The following ATP8B4 variants were observed in gnomAD, a reference collection of about 807,000 sequenced individuals.
ATP8B4 encodes the protein probable phospholipid-transporting ATPase IM.
Under a neutral mutation model 145.6 loss-of-function variants are expected in ATP8B4, and 133 were observed. That is an observed-to-expected ratio of 0.91 (90% confidence interval 0.79 to 1.05). The LOEUF is 1.05. ATP8B4 is among the 50% of genes least tolerant of loss of function. The pLI, the probability that ATP8B4 is intolerant of heterozygous loss-of-function variation, is 0.00. For missense variants in ATP8B4, 1,458 were observed against 1,425.2 expected (o/e 1.02, Z -0.37); for synonymous variants, 507 against 492.9 (o/e 1.03, Z -0.38).
intron 2 of ATP8B4, among the ~76,000 whole-genome samples, chr15:50,095,698 T>A (rs1197409074): frequency 6.6e-6 from 1 of 151,706 alleles, no homozygotes; most frequent in African/African-American, 2.4e-5. Context: ...GAGGCTGTAG[T>A]GAGCTATGAT....
chr15:49,967,096 C>T (rs952627095), intron 13 of ATP8B4, among the ~76,000 whole-genome samples: 1 of 152,154 alleles, frequency 6.6e-6, no homozygotes, highest in Non-Finnish European at 1.5e-5. Flanking sequence ...AGGACATCCA[C>T]ACAAAACGCC....
intron 3 of ATP8B4, among the ~76,000 whole-genome samples, chr15:50,055,319 T>A (rs2052518679): frequency 6.6e-6 from 1 of 152,204 alleles, no homozygotes; most frequent in African/African-American, 2.4e-5. Flanking sequence ...TGGTTTTTCT[T>A]TTACTCTCAA....
chr15:49,888,381 T>G (rs1458658530), intron 23 of ATP8B4, among the ~76,000 whole-genome samples: 1 of 152,168 alleles, frequency 6.6e-6, no homozygotes, highest in Non-Finnish European at 1.5e-5. Context: ...AACTAAAGTT[T>G]TTCCAGCCTT....
chr15:49,991,431 C>A (rs2047039509), intron 9 of ATP8B4, among the ~76,000 whole-genome samples: 1 of 152,144 alleles, frequency 6.6e-6, no homozygotes, highest in Non-Finnish European at 1.5e-5. Context: ...CAATTTACAT[C>A]CGGGGTTTTC....
intron 1 of ATP8B4, among the ~76,000 whole-genome samples, chr15:50,133,054 A>T (rs186327794): frequency 6.6e-6 from 1 of 152,146 alleles, no homozygotes; most frequent in East Asian, 1.9e-4. Context: ...GCACATGTAT[A>T]CTCATGTAAC....
intron 3 of ATP8B4, among the ~76,000 whole-genome samples, chr15:50,054,949 T>C (rs923151927): frequency 6.6e-6 from 1 of 152,048 alleles, no homozygotes; most frequent in Non-Finnish European, 1.5e-5. Flanking sequence ...GATAGATTCA[T>C]CTCCCATCCA....
intron 3 of ATP8B4, among the ~76,000 whole-genome samples, chr15:50,050,235 T>G (rs1183338711): frequency 6.6e-6 from 1 of 152,222 alleles, no homozygotes; most frequent in Non-Finnish European, 1.5e-5. Context: ...CAACTGCAGA[T>G]CTAGCTCAAC....
At chr15:50,127,104 C>G (rs973327786) in intron 1 of ATP8B4, among the ~76,000 whole-genome samples, 14 of 152,156 alleles carry the variant, frequency 9.2e-5, no homozygotes, top group African/African-American at 1.4e-4. Flanking sequence ...AACCTGTGGA[C>G]CCCCACTTCA....
intron 2 of ATP8B4, among the ~76,000 whole-genome samples, chr15:50,093,169 A>G (rs888890017): frequency 6.6e-6 from 1 of 151,992 alleles, no homozygotes; most frequent in Non-Finnish European, 1.5e-5. Context: ...AAGTGATAGA[A>G]TTCATTACCA....
chr15:49,986,856 C>T (rs1378598240), intron 10 of ATP8B4, among the ~76,000 whole-genome samples: 2 of 151,136 alleles, frequency 1.3e-5, no homozygotes. Flanking sequence ...AGAGGCACCT[C>T]CTCCCACCCC....
intron 20 of ATP8B4, among the ~76,000 whole-genome samples, chr15:49,916,684 T>C (rs2039773543): frequency 2.0e-5 from 3 of 152,182 alleles, no homozygotes; most frequent in African/African-American, 7.2e-5. Context: ...ACATAGCTGA[T>C]TTGAAATTCT....
At chr15:49,944,337 T>C (rs1042478768) in intron 14 of ATP8B4, among the ~76,000 whole-genome samples, 1 of 152,158 alleles carries the variant, frequency 6.6e-6, no homozygotes, top group Non-Finnish European at 1.5e-5. Flanking sequence ...TCACTTGAGA[T>C]TTAAGGACAC....
chr15:50,120,685 ATT>A (rs2057259930), upstream of ATP8B4, among the ~76,000 whole-genome samples: 1 of 152,218 alleles, frequency 6.6e-6, no homozygotes, highest in Non-Finnish European at 1.5e-5. Context: ...AAATATGTTA[ATT>A]ATAGCACTAT....
chr15:50,138,819 C>T (rs1290436918), intron 1 of ATP8B4, among the ~76,000 whole-genome samples: 5 of 152,200 alleles, frequency 3.3e-5, no homozygotes, highest in Admixed American at 3.3e-4. Context: ...CTTACACCTT[C>T]TAAGAAGTCT....
At chr15:49,967,108 T>C (rs1379970897) in intron 13 of ATP8B4, among the ~76,000 whole-genome samples, 1 of 152,092 alleles carries the variant, frequency 6.6e-6, no homozygotes, top group South Asian at 2.1e-4. Flanking sequence ...CAAAACGCCA[T>C]CTGAAGGTCA....
At chr15:50,143,642 C>T (rs1357884772) in intron 1 of ATP8B4, among the ~76,000 whole-genome samples, 2 of 152,152 alleles carry the variant, frequency 1.3e-5, no homozygotes, top group Non-Finnish European at 2.9e-5. Context: ...TACCAGGCAG[C>T]ATGAATCTCT....
rs2031047249 is a variant in ATP8B4, at chr15:49,858,329, TAGACA to T, written c.*1860_*1864del. ...AAATGTGGTGAAACTAATGACAAATTAGACATTGAAAACCAACATCTGGTTAAGTG... is the reference window on the plus strand; with the variant it reads ...AAATGTGGTGAAACTAATGACAAATTTTGAAAACCAACATCTGGTTAAGTG... On this transcript the variant is annotated 3_prime_UTR_variant, in exon 28 of 28. Transcript: ENST00000284509. 1 of 152,188 alleles carries T rather than the reference TAGACA, an allele frequency of 6.6e-6. No individual in the cohort carries two copies. The highest frequency in any genetic ancestry group is 1.5e-5 in the Non-Finnish European group (1 of 68,030). The allele number at this position is 152,188 out of a possible 1,614,324, so 9.4% of individuals were successfully genotyped here.
rs186905112 is a variant in ATP8B4 at position 50,047,334 on chromosome 15, T to C, written c.201+17A>G. 3.5e-6 allele frequency: 5 copies of C among 1,438,952 alleles called. No homozygotes were observed. Among genetic ancestry groups the C allele is most frequent in the Non-Finnish European group, 2.0e-6 (2 of 1,025,040 alleles). The allele number at this position is 1,438,952 out of a possible 1,614,324, so 89.1% of individuals were successfully genotyped here. A position where few individuals can be genotyped will look rare whatever the true frequency, so the allele number is the denominator to read the frequency against. On this transcript the variant is annotated intron_variant, in intron 4 of 27. Coordinates refer to ENST00000284509, the MANE Select transcript of ATP8B4 (RefSeq NM_024837.4). ...TTTAAACAAACAGATAATAGAGAAA[T>C]ACAACCTAAATATTACCTGTAAAAT... is the stretch of plus-strand genomic sequence containing the variant.
intron 23 of ATP8B4, among the ~76,000 whole-genome samples, chr15:49,884,086 A>G (rs947623554): frequency 1.3e-5 from 2 of 152,366 alleles, no homozygotes; most frequent in Admixed American, 6.5e-5. Context: ...TTGTAAACAC[A>G]TCATGGGTTC....
Sources: gnomAD v4.1 joint callset for allele counts (sites outside exome capture counted in the v4.1 genomes callset) on GRCh38, gnomAD v4.1.1 for gene constraint, MANE v1.5 for transcripts, NCBI Gene and HGNC (gene_info 2026-07-23, HGNC 2026-07-21) for gene names.